The following VAV1 variants were observed in gnomAD, a reference collection of about 807,000 sequenced individuals.
VAV1 encodes the protein proto-oncogene vav.
VAV1 carries 33 observed loss-of-function variants against 128.1 expected under a neutral mutation model. The observed-to-expected ratio is 0.26, with a 90% CI of 0.20 to 0.34. VAV1 has a LOEUF of 0.34. Among genes scored for constraint, VAV1 ranks in the 10% least tolerant of loss-of-function variants. The pLI, the probability that VAV1 is intolerant of heterozygous loss-of-function variation, is 1.00. For synonymous variants in VAV1, 394 were observed against 409.8 expected, an observed-to-expected ratio of 0.96 and a Z score of 0.47; for missense variants, 715 against 1,093.7, an observed-to-expected ratio of 0.65 and a Z score of 4.88.
chr19:6,801,388 C>G (rs572084694), intron 1 of VAV1, among the ~76,000 whole-genome samples: 60 of 152,208 alleles, frequency 3.9e-4, no homozygotes, highest in African/African-American at 1.4e-3. Flanking sequence ...ATCTGCCTGA[C>G]CCTCCCACCG....
At position 6,854,110 on chromosome 19, in the gene VAV1, A is replaced by C; in HGVS notation, c.2484+12A>C. The stretch of plus-strand genomic sequence containing the variant: ...AGATCTATGGCCGGGTGAGGCAGGC[A>C]GGGCTGGGTGACGGGGAGGGCATGG... On this transcript the variant is annotated intron_variant, in intron 26 of 26. Transcript: ENST00000602142. The C allele has an allele frequency of 6.2e-7, 1 of 1,611,638 alleles. No individual in the cohort carries two copies. Among genetic ancestry groups the C allele is most frequent in the Non-Finnish European group, 8.5e-7 (1 of 1,179,646 alleles).
chr19:6,829,334 C>G (rs986302766), intron 13 of VAV1, among the ~76,000 whole-genome samples: 10 of 143,740 alleles, frequency 7.0e-5, no homozygotes, highest in African/African-American at 2.6e-4. Flanking sequence ...CAACATAGGT[C>G]TGGGGAAGAG....
chr19:6,854,226 G>A lies in VAV1; in HGVS notation c.2484+128G>A, dbSNP rs753912681. Reference sequence around the variant, plus strand: ...GAGATCTCTCACGGTGGGAGGGAAGGAAGGGACACAGGGATGTCATTTATG... The same window carrying A: ...GAGATCTCTCACGGTGGGAGGGAAGAAAGGGACACAGGGATGTCATTTATG... On this transcript the variant is annotated intron_variant, in intron 26 of 26. Coordinates refer to ENST00000602142, the MANE Select transcript of VAV1 (RefSeq NM_005428.4). The A allele has an allele frequency of 3.2e-6, 4 of 1,254,460 alleles. No individual in the cohort carries two copies. In the African/African-American group the frequency reaches 4.5e-5, roughly 14 times the overall value. The allele number at this position is 1,254,460 out of a possible 1,614,324, so 77.7% of individuals were successfully genotyped here. A position where few individuals can be genotyped will look rare whatever the true frequency, so the allele number is the denominator to read the frequency against.
At chr19:6,843,559 C>T (rs1201577055) in intron 22 of VAV1, among the ~76,000 whole-genome samples, 2 of 152,006 alleles carry the variant, frequency 1.3e-5, no homozygotes, top group South Asian at 2.1e-4. Flanking sequence ...TTTTGGAGCC[C>T]GCTGACCTGG....
chr19:6,841,778 C>A (rs1252690737), intron 21 of VAV1, among the ~76,000 whole-genome samples: 1 of 152,098 alleles, frequency 6.6e-6, no homozygotes, highest in Middle Eastern at 3.4e-3. Context: ...CCAGCACATA[C>A]TGTTTTTCAT....
intron 1 of VAV1, among the ~76,000 whole-genome samples, chr19:6,818,316 G>A (rs557591505): frequency 3.3e-4 from 51 of 152,302 alleles, no homozygotes; most frequent in Non-Finnish European, 5.6e-4. Flanking sequence ...ATTTGTTTGC[G>A]TGGGTGCCAC....
intron 13 of VAV1, among the ~76,000 whole-genome samples, 197 bp downstream of exon 13, chr19:6,829,097 C>CTAGA (rs1277341706): frequency 1.4e-5 from 2 of 147,340 alleles, no homozygotes; most frequent in Non-Finnish European, 3.0e-5. Flanking sequence ...AGCCAGGCTT[C>CTAGA]TAGATAGGCA....
At chr19:6,817,217 T>A (rs1971674581) in intron 1 of VAV1, among the ~76,000 whole-genome samples, 1 of 151,624 alleles carries the variant, frequency 6.6e-6, no homozygotes. Flanking sequence ...CTGGCTAATT[T>A]TTTTTGTTTG....
intron 1 of VAV1, among the ~76,000 whole-genome samples, chr19:6,814,987 G>A (rs1261338984): frequency 6.6e-6 from 1 of 151,726 alleles, no homozygotes; most frequent in Non-Finnish European, 1.5e-5. Context: ...TGAATGTTGA[G>A]TTGCTACCGC....
intron 1 of VAV1, among the ~76,000 whole-genome samples, chr19:6,811,143 C>T (rs956960256): frequency 6.6e-6 from 1 of 152,126 alleles, no homozygotes; most frequent in African/African-American, 2.4e-5. Context: ...TCAAGTGATC[C>T]TCCTGCCTCA....
At chr19:6,842,638 G>C (rs1369236111) in intron 21 of VAV1, among the ~76,000 whole-genome samples, 1 of 152,016 alleles carries the variant, frequency 6.6e-6, no homozygotes, top group Non-Finnish European at 1.5e-5. Context: ...GGGAAACAAA[G>C]GGAGACCATC....
intron 26 of VAV1, among the ~76,000 whole-genome samples, 177 bp from the exon 27 acceptor site, chr19:6,856,875 GGT>G (rs138906534): frequency 2.1e-4 from 31 of 148,902 alleles, no homozygotes; most frequent in Non-Finnish European, 2.2e-4. Context: ...GGAGGTAATG[GGT>G]GTGTGTGTGT....
chr19:6,816,552 G>C (rs900166964), intron 1 of VAV1: 1 of 151,550 alleles, frequency 6.6e-6, no homozygotes, highest in Non-Finnish European at 1.5e-5. Context: ...CACACACACA[G>C]AACGTGGGTT....
At chr19:6,817,973 A>T (rs891463467) in intron 1 of VAV1, among the ~76,000 whole-genome samples, 1 of 152,158 alleles carries the variant, frequency 6.6e-6, no homozygotes, top group African/African-American at 2.4e-5. Context: ...GGCATGAGCC[A>T]CCACGCCCAG....
chr19:6,829,712 T>C (rs1223725467), intron 13 of VAV1, 74 bp from the exon 14 acceptor site: 6 of 1,591,554 alleles, frequency 3.8e-6, no homozygotes, highest in Non-Finnish European at 5.1e-6. Context: ...GACCAGGATG[T>C]GGAGGAACTG....
intron 1 of VAV1, among the ~76,000 whole-genome samples, chr19:6,778,914 T>G (rs1970701600): frequency 2.0e-5 from 3 of 151,214 alleles, no homozygotes; most frequent in Non-Finnish European, 2.9e-5. Context: ...TTTTGCTCTG[T>G]CAGCCAGGCT....
chr19:6,814,477 C>G (rs1971578511), intron 1 of VAV1, among the ~76,000 whole-genome samples: 1 of 151,934 alleles, frequency 6.6e-6, no homozygotes, highest in African/African-American at 2.4e-5. Flanking sequence ...TGCTTATGTA[C>G]TGACACTTAG....
chr19:6,847,006 C>T (rs543571876), intron 22 of VAV1, among the ~76,000 whole-genome samples: 2 of 151,038 alleles, frequency 1.3e-5, no homozygotes, highest in Non-Finnish European at 2.9e-5. Flanking sequence ...CTCCGCCTAC[C>T]GAGTTCAAGC....
chr19:6,839,842 C>T (rs1191665488), intron 21 of VAV1, among the ~76,000 whole-genome samples: 2 of 152,002 alleles, frequency 1.3e-5, no homozygotes, highest in African/African-American at 4.8e-5. Context: ...AGGTGCATAC[C>T]ACCATGCCTG....
Sources: gnomAD v4.1 joint callset for allele counts (sites outside exome capture counted in the v4.1 genomes callset) on GRCh38, gnomAD v4.1.1 for gene constraint, MANE v1.5 for transcripts, NCBI Gene and HGNC (gene_info 2026-07-23, HGNC 2026-07-21) for gene names.